Variants in SLC24A4 observed in about 807,000 individuals in gnomAD.
The protein encoded by SLC24A4 is solute carrier family 24 member 4.
Under a neutral mutation model 79.0 loss-of-function variants are expected in SLC24A4, and 53 were observed. The observed-to-expected ratio is 0.67, with a 90% CI of 0.54 to 0.84. The LOEUF (loss-of-function observed/expected upper bound fraction) is 0.84. SLC24A4 is among the 40% of genes least tolerant of loss of function. The probability of loss-of-function intolerance (pLI) is 0.00; values close to 1 mark genes in which losing one functional copy is unlikely to be tolerated. For synonymous variants in SLC24A4, 323 were observed against 323.8 expected (o/e 1.00, Z 0.03); for missense variants, 731 against 822.0 (o/e 0.89, Z 1.35).
intron 12 of SLC24A4, chr14:92,457,651 T>C (rs1418207383): frequency 6.6e-6 from 1 of 152,596 alleles, no homozygotes; most frequent in Non-Finnish European, 1.5e-5. Context: ...GCCTTCGTCT[T>C]TAACTAAGCC....
chr14:92,385,224 C>T (rs550432386), intron 2 of SLC24A4, among the ~76,000 whole-genome samples: 12 of 152,202 alleles, frequency 7.9e-5, no homozygotes, highest in African/African-American at 1.4e-4. Flanking sequence ...AAAATCATGC[C>T]GGCCAGGCGC....
chr14:92,403,251 T>C (rs866803864), intron 2 of SLC24A4, among the ~76,000 whole-genome samples: 1 of 152,092 alleles, frequency 6.6e-6, no homozygotes, highest in African/African-American at 2.4e-5. Flanking sequence ...GCCTACCTTC[T>C]TGGCCATGAT....
intron 2 of SLC24A4, among the ~76,000 whole-genome samples, chr14:92,393,545 CTTTTTTTTTTT>C (rs5810597): frequency 8.9e-6 from 1 of 112,500 alleles, no homozygotes; most frequent in African/African-American, 3.4e-5. Flanking sequence ...AAGACACACT[CTTTTTTTTTTT>C]TTTTTTTTTT....
chr14:92,340,189 A>G (rs974781853), intron 2 of SLC24A4, among the ~76,000 whole-genome samples: 1 of 152,248 alleles, frequency 6.6e-6, no homozygotes, highest in African/African-American at 2.4e-5. Flanking sequence ...GTTCCAAAGT[A>G]TGCACCCAGC....
At chr14:92,459,257 C>A (rs79625828) in intron 12 of SLC24A4, among the ~76,000 whole-genome samples, 1 of 152,216 alleles carries the variant, frequency 6.6e-6, no homozygotes, top group Non-Finnish European at 1.5e-5. Flanking sequence ...GGACCAGCCA[C>A]GCCTTCGCCT....
At chr14:92,366,341 C>G (rs563067429) in intron 2 of SLC24A4, among the ~76,000 whole-genome samples, 4 of 152,304 alleles carry the variant, frequency 2.6e-5, no homozygotes, top group Admixed American at 2.6e-4. Flanking sequence ...TGGAGTCCAT[C>G]CCCTCGGGCA....
chr14:92,390,811 T>C (rs1889419440), intron 2 of SLC24A4, among the ~76,000 whole-genome samples: 2 of 152,104 alleles, frequency 1.3e-5, no homozygotes. Context: ...AGGACGATGG[T>C]GTAGTATTGA....
At position 92,493,606 on chromosome 14, in the gene SLC24A4, C is replaced by T. The variant is rs750450461; in HGVS notation, c.1847C>T (p.Pro616Leu). ...EFNVFTFVNL[P>L]MCREDD is the part of the protein sequence containing the mutation. ...AACGTCTTTACCTTCGTCAACTTGCCGATGTGCCGGGAAGACGATTAGCGC... is the reference window on the plus strand; with the variant it reads ...AACGTCTTTACCTTCGTCAACTTGCTGATGTGCCGGGAAGACGATTAGCGC... The change falls in exon 17 of 17, where the codon CCG (proline) becomes CTG (leucine). Residue 616 changes from proline to leucine, a missense_variant. Pro to Leu is a moderately conservative substitution (Grantham distance 98). Coordinates refer to ENST00000532405, the MANE Select transcript of SLC24A4 (RefSeq NM_153646.4). The T allele has an allele frequency of 7.4e-6, 12 of 1,614,150 alleles. No homozygotes were observed. In the South Asian group the frequency reaches 1.1e-4, roughly 15 times the overall value.
At chr14:92,485,027 G>A (rs1895276379) in intron 13 of SLC24A4, 3 of 398,608 alleles carry the variant, frequency 7.5e-6, no homozygotes, top group Non-Finnish European at 1.0e-5. Flanking sequence ...CAGCATGGTT[G>A]GTTGCTCATG....
intron 2 of SLC24A4, among the ~76,000 whole-genome samples, chr14:92,419,347 C>T (rs1242945086): frequency 6.6e-6 from 1 of 152,188 alleles, no homozygotes; most frequent in South Asian, 2.1e-4. Flanking sequence ...AAATCATCCA[C>T]CCTCCTTTGG....
rs535394418 is a variant in SLC24A4, at chr14:92,399,615, G to C, written c.242-34297G>C. Among the ~76,000 whole-genome samples the C allele has an allele frequency of 1.4e-4, 22 of 152,296 alleles. No homozygotes were observed. In the South Asian group the frequency reaches 3.7e-3, roughly 26 times the overall value. ...GGTTATGGCTGTGAAATCTTGAAGT[G>C]TCTTCTATCTGCCTTCACACTGGTG... On this transcript the variant is annotated intron_variant, in intron 2 of 16. Coordinates refer to ENST00000532405, the MANE Select transcript of SLC24A4 (RefSeq NM_153646.4).
chr14:92,372,283 T>C (rs140258787), intron 2 of SLC24A4, among the ~76,000 whole-genome samples: 192 of 152,186 alleles, frequency 1.3e-3, no homozygotes, highest in Middle Eastern at 6.8e-3. Flanking sequence ...GACAGACTCA[T>C]CTTCCACGCC....
intron 2 of SLC24A4, among the ~76,000 whole-genome samples, chr14:92,395,624 T>G (rs1277394630): frequency 6.6e-6 from 1 of 151,648 alleles, no homozygotes; most frequent in African/African-American, 2.4e-5. Flanking sequence ...AATCAGGGAG[T>G]TTCTAGAGTG....
rs117667649 is a variant in SLC24A4, at chr14:92,401,067, T to C, written c.242-32845T>C. Among the ~76,000 whole-genome samples the C allele has an allele frequency of 9.5e-3, 1,440 of 152,240 alleles. 20 individuals carry two copies. The highest frequency in any genetic ancestry group is 0.015 in the Non-Finnish European group (1,021 of 68,022). ...ACACAAGGCACCCAGTATCTGGCAGTCCTTGCTTCTCCACCAGCAAGGCAG... is the reference window on the plus strand; with the variant it reads ...ACACAAGGCACCCAGTATCTGGCAGCCCTTGCTTCTCCACCAGCAAGGCAG... On this transcript the variant is annotated intron_variant, in intron 2 of 16. Transcript: ENST00000532405.
chr14:92,394,888 C>T (rs1889680345), intron 2 of SLC24A4, among the ~76,000 whole-genome samples: 2 of 152,134 alleles, frequency 1.3e-5, no homozygotes, highest in African/African-American at 4.8e-5. Flanking sequence ...ATTTAATCAG[C>T]CCTGGCTCTT....
Position 92,490,303 on chromosome 14 carries a change from T to G in SLC24A4, c.1538-1362T>G, listed in dbSNP as rs1215866897. On this transcript the variant is annotated intron_variant, in intron 14 of 16. Transcript: ENST00000532405. The surrounding 1 kb of genome is among the most constrained non-coding windows in gnomAD (Gnocchi z 4.3). ...GCTCAGTGGCCGGGTTAGGGCAGATTCCAGCCAGTACGAGTCTTACTTACA... is the reference window on the plus strand; with the variant it reads ...GCTCAGTGGCCGGGTTAGGGCAGATGCCAGCCAGTACGAGTCTTACTTACA... Among the ~76,000 whole-genome samples the G allele has an allele frequency of 6.6e-6, 1 of 151,874 alleles. No individual in the cohort carries two copies.
At chr14:92,375,254 C>T (rs1266962051) in intron 2 of SLC24A4, among the ~76,000 whole-genome samples, 2 of 152,142 alleles carry the variant, frequency 1.3e-5, no homozygotes, top group Non-Finnish European at 2.9e-5. Flanking sequence ...CCATTCATAT[C>T]CACTAGAATG....
At chr14:92,475,049 G>C (rs1191761870) in intron 12 of SLC24A4, among the ~76,000 whole-genome samples, 1 of 151,066 alleles carries the variant, frequency 6.6e-6, no homozygotes, top group Non-Finnish European at 1.5e-5. Context: ...GTAATGGTGA[G>C]ATGTGCCATT....
intron 2 of SLC24A4, among the ~76,000 whole-genome samples, chr14:92,414,187 T>A (rs991145480): frequency 2.0e-5 from 3 of 152,092 alleles, no homozygotes; most frequent in Non-Finnish European, 2.9e-5. Context: ...TAATTCTTTG[T>A]TGTAGGGGGC....
Sources: gnomAD v4.1 joint callset for allele counts (sites outside exome capture counted in the v4.1 genomes callset) on GRCh38, gnomAD v4.1.1 for gene constraint, Gnocchi (gnomAD v3.1) non-coding constraint, MANE v1.5 for transcripts, NCBI Gene and HGNC (gene_info 2026-07-23, HGNC 2026-07-21) for gene names.